Variants in DPP10 observed in about 807,000 individuals in gnomAD.
The protein encoded by DPP10 is dipeptidyl peptidase like 10.
Under a neutral mutation model 120.9 loss-of-function variants are expected in DPP10, and 33 were observed. The observed-to-expected ratio is 0.27, with a 90% CI of 0.21 to 0.37. The LOEUF (loss-of-function observed/expected upper bound fraction) is 0.37. DPP10 is among the 10% of genes least tolerant of loss of function. The pLI, the probability that DPP10 is intolerant of heterozygous loss-of-function variation, is 1.00. For synonymous variants in DPP10, 337 were observed against 326.1 expected (o/e 1.03, Z -0.36); for missense variants, 816 against 942.8 (o/e 0.87, Z 1.76).
At chr2:114,875,869 A>G (rs1691106697) in intron 1 of DPP10, among the ~76,000 whole-genome samples, 1 of 152,154 alleles carries the variant, frequency 6.6e-6, no homozygotes, top group African/African-American at 2.4e-5. Flanking sequence ...ACAAATAGAC[A>G]AGGGCATCTT....
At chr2:115,746,030 A>G in intron 9 of DPP10, 56 bp from the exon 10 acceptor site, 4 of 1,250,226 alleles carry the variant, frequency 3.2e-6, no homozygotes, top group Non-Finnish European at 4.4e-6. Context: ...TTTCTTTTTT[A>G]CCCAATATAT....
chr2:115,591,044 T>C (rs1207108543), intron 5 of DPP10, among the ~76,000 whole-genome samples: 1 of 152,238 alleles, frequency 6.6e-6, no homozygotes. Context: ...TCTTTGTAGA[T>C]TCTGGATATT....
chr2:114,934,166 G>A (rs1427882974), intron 1 of DPP10, among the ~76,000 whole-genome samples: 1 of 152,146 alleles, frequency 6.6e-6, no homozygotes, highest in East Asian at 1.9e-4. Context: ...TTATTCTTCA[G>A]TTGACCCTTG....
At chr2:114,554,241 G>A (rs1029464691) in intron 1 of DPP10, among the ~76,000 whole-genome samples, 2 of 152,166 alleles carry the variant, frequency 1.3e-5, no homozygotes, top group African/African-American at 4.8e-5. Flanking sequence ...ACCTTAAGGG[G>A]CTTTCTCCTT....
At chr2:115,576,016 A>C (rs933150569) in intron 5 of DPP10, among the ~76,000 whole-genome samples, 6 of 152,178 alleles carry the variant, frequency 3.9e-5, no homozygotes, top group African/African-American at 1.4e-4. Flanking sequence ...TTTTCCTTAG[A>C]GCCCCTAGAA....
chr2:115,796,080 T>C (rs779485344), intron 19 of DPP10, among the ~76,000 whole-genome samples: 12 of 152,116 alleles, frequency 7.9e-5, no homozygotes, highest in Non-Finnish European at 1.8e-4. Context: ...TCATGATATA[T>C]TTTCTATTTT....
rs74678566 is a variant in DPP10, at chr2:114,634,988, A to G, written c.60+192150A>G. ...AAAATAATCTCAGAGGGCTTTGCTG[A>G]TTTTGGTTCATTTTTCAAAATAGAA... is the stretch of plus-strand genomic sequence containing the variant. On this transcript the variant is annotated intron_variant, in intron 1 of 25. Coordinates refer to ENST00000410059, the MANE Select transcript of DPP10 (RefSeq NM_020868.6). Among the ~76,000 whole-genome samples the G allele has an allele frequency of 2.4e-4, 36 of 152,002 alleles. No homozygotes were observed. The East Asian group carries it at 6.4e-3, about 27-fold the overall frequency.
rs780893583 is a variant in DPP10 at position 115,727,728 on chromosome 2, C to T, written c.577-88C>T. ...GAAGCCCGTAAATAATACAACATGG[C>T]TATTCAGTGATCATTCTGTAATATT... On this transcript the variant is annotated intron_variant, in intron 7 of 25. Transcript: ENST00000410059. 12 of 1,379,306 alleles carry T rather than the reference C, an allele frequency of 8.7e-6. 1 individual carries two copies. In the South Asian group the frequency reaches 1.4e-4, roughly 16 times the overall value. 85.4% of individuals were successfully genotyped at this position (1,379,306 alleles called of 1,614,324 possible).
intron 2 of DPP10, among the ~76,000 whole-genome samples, chr2:115,340,034 G>C (rs2106237008): frequency 6.6e-6 from 1 of 152,162 alleles, no homozygotes; most frequent in East Asian, 1.9e-4. Context: ...TTGTCATTGA[G>C]AGAAACTGAA....
intron 7 of DPP10, among the ~76,000 whole-genome samples, chr2:115,720,735 A>G (rs1368218324): frequency 1.3e-5 from 2 of 152,192 alleles, no homozygotes; most frequent in South Asian, 2.1e-4. Flanking sequence ...ACAATATTAC[A>G]TCAAATTAAA....
At chr2:114,736,576 G>C (rs1677464687) in intron 1 of DPP10, among the ~76,000 whole-genome samples, 1 of 152,156 alleles carries the variant, frequency 6.6e-6, no homozygotes, top group South Asian at 2.1e-4. Context: ...AAAATTTATA[G>C]TTAATTATCT....
intron 1 of DPP10, among the ~76,000 whole-genome samples, chr2:114,532,349 T>TGTATACCATATATATATGTATATATAC (rs1686092582): frequency 6.7e-6 from 1 of 148,258 alleles, no homozygotes; most frequent in Non-Finnish European, 1.5e-5. Flanking sequence ...TCTATATATA[T>TGTATACCATATATATATGTATATATAC]GTATACCATA....
intron 1 of DPP10, among the ~76,000 whole-genome samples, chr2:114,571,874 A>G (rs1465721185): frequency 6.7e-6 from 1 of 148,466 alleles, no homozygotes; most frequent in Non-Finnish European, 1.5e-5. Flanking sequence ...TATATATTGT[A>G]TATATATAGT....
intron 1 of DPP10, among the ~76,000 whole-genome samples, chr2:114,692,086 A>G (rs1372220779): frequency 1.3e-5 from 2 of 151,818 alleles, no homozygotes; most frequent in Non-Finnish European, 2.9e-5. Context: ...TATCTCCTTC[A>G]GTTCTGCTTT....
At chr2:115,060,434 T>C (rs1018049597) in intron 1 of DPP10, among the ~76,000 whole-genome samples, 1 of 151,854 alleles carries the variant, frequency 6.6e-6, no homozygotes, top group African/African-American at 2.4e-5. Flanking sequence ...TTCTATAAAA[T>C]ATACGAAAAT....
At chr2:115,208,956 T>C (rs2056334133) in intron 1 of DPP10, among the ~76,000 whole-genome samples, 2 of 152,176 alleles carry the variant, frequency 1.3e-5, no homozygotes, top group Non-Finnish European at 2.9e-5. Context: ...TGAAACTCTT[T>C]TGAAATTGGC....
At chr2:115,404,856 C>G (rs1165308548) in intron 3 of DPP10, among the ~76,000 whole-genome samples, 1 of 152,096 alleles carries the variant, frequency 6.6e-6, no homozygotes, top group Non-Finnish European at 1.5e-5. Context: ...AATAATCAAC[C>G]CAATCTCAAA....
At chr2:114,929,386 G>C (rs930589513) in intron 1 of DPP10, among the ~76,000 whole-genome samples, 3 of 152,168 alleles carry the variant, frequency 2.0e-5, no homozygotes, top group Non-Finnish European at 4.4e-5. Flanking sequence ...AAGCCTGAGG[G>C]CATTGCAGCA....
At chr2:115,837,797 C>G (rs1165849960) in intron 24 of DPP10, among the ~76,000 whole-genome samples, 1 of 151,582 alleles carries the variant, frequency 6.6e-6, no homozygotes, top group Non-Finnish European at 1.5e-5. Context: ...GAGGAAAATT[C>G]TATCAGATAT....
Sources: gnomAD v4.1 joint callset for allele counts (sites outside exome capture counted in the v4.1 genomes callset) on GRCh38, gnomAD v4.1.1 for gene constraint, MANE v1.5 for transcripts, NCBI Gene and HGNC (gene_info 2026-07-23, HGNC 2026-07-21) for gene names.